Variants in HEMK2 observed in about 807,000 individuals in gnomAD.
HEMK2 encodes the protein HemK methyltransferase 2, ETF1 glutamine and histone H4 lysine.
At chr21:28,846,595 T>C in the HEMK2 span, among the ~76,000 whole-genome samples, 54 of 152,108 alleles carry the variant, frequency 3.6e-4, no homozygotes, top group Admixed American at 2.8e-3. Context: ...CACATGTATG[T>C]ATTCTTTTAA....
At chr21:28,871,149 G>A in the HEMK2 span, among the ~76,000 whole-genome samples, 1 of 152,160 alleles carries the variant, frequency 6.6e-6, no homozygotes, top group African/African-American at 2.4e-5. Flanking sequence ...TTAGTAAAGT[G>A]TAAACCTTTA....
At chr21:28,581,017 T>A in the HEMK2 span, among the ~76,000 whole-genome samples, 5,131 of 152,170 alleles carry the variant, frequency 0.034, 281 homozygotes, top group African/African-American at 0.12. Flanking sequence ...TTTGTTCTGG[T>A]ACCCACGAAT....
the HEMK2 span, among the ~76,000 whole-genome samples, chr21:28,765,275 C>A: frequency 6.6e-6 from 1 of 152,088 alleles, no homozygotes; most frequent in Admixed American, 6.6e-5. Flanking sequence ...GGTGAGACTG[C>A]AGCTCCATTT....
At chr21:28,819,038 T>A in the HEMK2 span, among the ~76,000 whole-genome samples, 2 of 152,242 alleles carry the variant, frequency 1.3e-5, no homozygotes, top group African/African-American at 4.8e-5. Flanking sequence ...GCCTAAGAAC[T>A]GTGGGTTATC....
the HEMK2 span, chr21:28,674,660 T>C: frequency 6.6e-6 from 1 of 152,384 alleles, no homozygotes; most frequent in South Asian, 2.1e-4. Flanking sequence ...GAGAACTCTT[T>C]GCTAGACCCA....
chr21:28,838,973 ATATATATATATATAT>A, the HEMK2 span, among the ~76,000 whole-genome samples: 5 of 22,514 alleles, frequency 2.2e-4, no homozygotes, highest in African/African-American at 1.1e-3. Flanking sequence ...AAAAAAAAAA[ATATATATATATATAT>A]ATATATATAT....
At chr21:28,588,973 A>C in the HEMK2 span, among the ~76,000 whole-genome samples, 1 of 132,566 alleles carries the variant, frequency 7.5e-6, no homozygotes. Context: ...ACAGAGAGAG[A>C]CACTGTCTCA....
the HEMK2 span, among the ~76,000 whole-genome samples, chr21:28,801,068 A>T: frequency 2.6e-5 from 4 of 152,254 alleles, no homozygotes; most frequent in Admixed American, 2.0e-4. Flanking sequence ...AAAAGAACAC[A>T]CTGTGGAAGA....
the HEMK2 span, among the ~76,000 whole-genome samples, chr21:28,657,533 T>G: frequency 2.6e-5 from 4 of 152,080 alleles, no homozygotes; most frequent in South Asian, 8.3e-4. Context: ...ACAAATTGGT[T>G]GACATTGGCA....
the HEMK2 span, among the ~76,000 whole-genome samples, chr21:28,629,962 T>C: frequency 1.2e-3 from 186 of 152,006 alleles, 2 homozygotes; most frequent in African/African-American, 3.6e-3. Flanking sequence ...TATTTAACTT[T>C]CAAAAAGATT....
chr21:28,632,572 G>C, the HEMK2 span, among the ~76,000 whole-genome samples: 1 of 152,180 alleles, frequency 6.6e-6, no homozygotes, highest in Non-Finnish European at 1.5e-5. Flanking sequence ...AAGTGTTAGA[G>C]AGCAGTCACA....
chr21:28,822,142 CCACA>C, the HEMK2 span, among the ~76,000 whole-genome samples: 5 of 152,152 alleles, frequency 3.3e-5, no homozygotes, highest in Non-Finnish European at 7.4e-5. Flanking sequence ...ACTAGTTTAG[CCACA>C]CTCTGAAAAG....
chr21:28,834,598 T>A, the HEMK2 span, among the ~76,000 whole-genome samples: 1 of 151,926 alleles, frequency 6.6e-6, no homozygotes, highest in African/African-American at 2.4e-5. Context: ...GAGAAGGAAA[T>A]CTCTAGCTGA....
At chr21:28,817,828 A>ATGAGTAAGGAC in the HEMK2 span, among the ~76,000 whole-genome samples, 1 of 152,134 alleles carries the variant, frequency 6.6e-6, no homozygotes, top group Non-Finnish European at 1.5e-5. Flanking sequence ...CCAGCTTCCC[A>ATGAGTAAGGAC]TTCACTAGCT....
chr21:28,866,741 A>G, the HEMK2 span, among the ~76,000 whole-genome samples: 1 of 152,202 alleles, frequency 6.6e-6, no homozygotes, highest in African/African-American at 2.4e-5. Flanking sequence ...TCAAAAAACA[A>G]AAAAAGGAAA....
chr21:28,827,056 G>A, the HEMK2 span, among the ~76,000 whole-genome samples: 1 of 152,080 alleles, frequency 6.6e-6, no homozygotes, highest in Non-Finnish European at 1.5e-5. Flanking sequence ...GAAGAAACAG[G>A]AATTTGCCCA....
chr21:28,644,895 T>C, the HEMK2 span, among the ~76,000 whole-genome samples: 1 of 152,204 alleles, frequency 6.6e-6, no homozygotes, highest in African/African-American at 2.4e-5. Flanking sequence ...GATTGGCATT[T>C]GAGTTTAAGA....
chr21:28,766,609 C>T, the HEMK2 span, among the ~76,000 whole-genome samples: 7 of 151,932 alleles, frequency 4.6e-5, no homozygotes, highest in Non-Finnish European at 1.0e-4. Context: ...GACCTAAATG[C>T]CCATCAACCA....
At chr21:28,729,788 A>G in the HEMK2 span, among the ~76,000 whole-genome samples, 2 of 152,192 alleles carry the variant, frequency 1.3e-5, no homozygotes, top group Non-Finnish European at 2.9e-5. Flanking sequence ...CAAGAAACTA[A>G]TATCTATGGA....
Sources: gnomAD v4.1 joint callset for allele counts (sites outside exome capture counted in the v4.1 genomes callset) on GRCh38, gnomAD v4.1.1 for gene constraint, MANE v1.5 for transcripts, NCBI Gene and HGNC (gene_info 2026-07-23, HGNC 2026-07-21) for gene names.